Variants in KCNH7 observed in about 807,000 individuals in gnomAD.
KCNH7 encodes voltage-gated inwardly rectifying potassium channel KCNH7.
KCNH7 carries 49 observed loss-of-function variants against 120.8 expected under a neutral mutation model. The ratio of observed to expected loss-of-function variants is 0.41; its 90% CI spans 0.32 to 0.51. KCNH7 has a LOEUF of 0.51. KCNH7 is among the 20% of genes least tolerant of loss of function. The pLI is 0.38. For synonymous variants in KCNH7, 547 were observed against 516.1 expected, an observed-to-expected ratio of 1.06 and a Z score of -0.81; for missense variants, 1,097 against 1,446.6, an observed-to-expected ratio of 0.76 and a Z score of 3.92.
chr2:162,573,291 G>A (rs1051944478), intron 2 of KCNH7, among the ~76,000 whole-genome samples: 1 of 151,964 alleles, frequency 6.6e-6, no homozygotes, highest in African/African-American at 2.4e-5. Flanking sequence ...AACATCAAGG[G>A]TAAGAATAGT....
intron 9 of KCNH7, among the ~76,000 whole-genome samples, chr2:162,420,878 C>T (rs1207906303): frequency 1.3e-5 from 2 of 151,912 alleles, no homozygotes; most frequent in Non-Finnish European, 2.9e-5. Context: ...GATTAAATTA[C>T]AATTTAGTTG....
intron 3 of KCNH7, among the ~76,000 whole-genome samples, chr2:162,531,874 T>C (rs1691936862): frequency 6.6e-6 from 1 of 151,950 alleles, no homozygotes; most frequent in Non-Finnish European, 1.5e-5. Flanking sequence ...TTTGATTTGG[T>C]ATTATACTTA....
chr2:162,790,419 T>A (rs879434098), intron 2 of KCNH7, among the ~76,000 whole-genome samples: 8 of 151,820 alleles, frequency 5.3e-5, no homozygotes, highest in Admixed American at 1.3e-4. Flanking sequence ...CTGAAAAAAA[T>A]TAATACTAAT....
Position 162,371,436 on chromosome 2 carries a change from G to T in KCNH7, c.*393C>A. The stretch of plus-strand genomic sequence containing the variant: ...GTTGAGGATCATCTGAATTTGAGTT[G>T]CATCCATGAACAGTTTTATCCCTTG... On this transcript the variant is annotated 3_prime_UTR_variant, in exon 16 of 16. Coordinates refer to ENST00000332142, the MANE Select transcript of KCNH7 (RefSeq NM_033272.4). 1 of 1,288,144 alleles carries T rather than the reference G, an allele frequency of 7.8e-7. No individual in the cohort carries two copies. The highest frequency in any genetic ancestry group is 1.0e-6 in the Non-Finnish European group (1 of 988,408). The allele number at this position is 1,288,144 out of a possible 1,614,324, so 79.8% of individuals were successfully genotyped here. A position where few individuals can be genotyped will look rare whatever the true frequency, so the allele number is the denominator to read the frequency against.
chr2:162,400,790 A>G (rs567797038), intron 9 of KCNH7, among the ~76,000 whole-genome samples: 2 of 152,026 alleles, frequency 1.3e-5, no homozygotes, highest in East Asian at 3.9e-4. Flanking sequence ...AATAAGACGT[A>G]ACTAATGAAA....
At chr2:162,578,242 GA>G (rs1693753016) in intron 2 of KCNH7, among the ~76,000 whole-genome samples, 1 of 151,236 alleles carries the variant, frequency 6.6e-6, no homozygotes, top group Non-Finnish European at 1.5e-5. Context: ...TAACATTTAT[GA>G]AAAATAATTT....
intron 3 of KCNH7, among the ~76,000 whole-genome samples, chr2:162,521,853 G>A (rs1691537246): frequency 6.6e-6 from 1 of 151,656 alleles, no homozygotes; most frequent in Non-Finnish European, 1.5e-5. Context: ...CTAATTCCTT[G>A]TATCTAACTA....
intron 2 of KCNH7, among the ~76,000 whole-genome samples, chr2:162,825,063 T>G (rs887441856): frequency 6.6e-6 from 1 of 151,788 alleles, no homozygotes; most frequent in South Asian, 2.1e-4. Context: ...GTTCAAGGAG[T>G]GTTTGAACTT....
chr2:162,763,278 A>C (rs1256749554), intron 2 of KCNH7, among the ~76,000 whole-genome samples: 3 of 152,168 alleles, frequency 2.0e-5, no homozygotes, highest in Non-Finnish European at 2.9e-5. Flanking sequence ...AAACATTTTT[A>C]AAATCATTCA....
chr2:162,791,085 A>C (rs935753762), intron 2 of KCNH7, among the ~76,000 whole-genome samples: 1 of 152,052 alleles, frequency 6.6e-6, no homozygotes, highest in African/African-American at 2.4e-5. Context: ...AGACTATACC[A>C]ACAAATCTGT....
rs550242421 is a variant in KCNH7, at chr2:162,451,695, A to G, written c.1129-5252T>C. On this transcript the variant is annotated intron_variant, in intron 6 of 15. Coordinates refer to ENST00000332142, the MANE Select transcript of KCNH7 (RefSeq NM_033272.4). The stretch of plus-strand genomic sequence containing the variant: ...GGAGTGGCTGGGTCTCTCTCTATAT[A>G]TGTAGATAGATAGTTTGATCAATCA... 5.3e-5 allele frequency among the ~76,000 whole-genome samples: 8 copies of G among 152,096 alleles called. No homozygotes were observed. The South Asian group carries it at 1.7e-3, about 31-fold the overall frequency.
chr2:162,552,355 A>G lies in KCNH7; in HGVS notation c.308-15275T>C, dbSNP rs546996720. Among the ~76,000 whole-genome samples, 6 of 152,324 alleles carry G rather than the reference A, an allele frequency of 3.9e-5. No individual in the cohort carries two copies. In the East Asian group the frequency reaches 1.2e-3, roughly 29 times the overall value. The stretch of plus-strand genomic sequence containing the variant: ...AGTTTTTAGAAGGCTTTAAATATTG[A>G]GTGACAGCTCAATTGGATAGAGTTT... On this transcript the variant is annotated intron_variant, in intron 2 of 15. Coordinates refer to ENST00000332142, the MANE Select transcript of KCNH7 (RefSeq NM_033272.4).
intron 2 of KCNH7, among the ~76,000 whole-genome samples, chr2:162,826,740 C>T (rs1379592737): frequency 1.3e-5 from 2 of 152,078 alleles, no homozygotes; most frequent in African/African-American, 4.8e-5. Context: ...TTTGCTCTCC[C>T]ATTTCTTCTA....
intron 9 of KCNH7, among the ~76,000 whole-genome samples, chr2:162,422,859 G>A (rs539290088): frequency 6.6e-6 from 1 of 152,266 alleles, no homozygotes; most frequent in Admixed American, 6.5e-5. Flanking sequence ...ATCATAAAGT[G>A]CTTATGTATA....
At chr2:162,373,928 C>A (rs1313129712) in intron 14 of KCNH7, among the ~76,000 whole-genome samples, 1 of 152,082 alleles carries the variant, frequency 6.6e-6, no homozygotes, top group Non-Finnish European at 1.5e-5. Context: ...TGTTTACTAA[C>A]CTTCATTGAT....
chr2:162,761,495 A>C (rs1688964733), intron 2 of KCNH7, among the ~76,000 whole-genome samples: 1 of 152,092 alleles, frequency 6.6e-6, no homozygotes. Context: ...AATGTTCCCC[A>C]AAGTCAAAAT....
intron 7 of KCNH7, among the ~76,000 whole-genome samples, chr2:162,439,420 C>T (rs1688353121): frequency 6.6e-6 from 1 of 151,974 alleles, no homozygotes; most frequent in Non-Finnish European, 1.5e-5. Flanking sequence ...TGAAGCAAGG[C>T]ACTTTGTTTT....
intron 2 of KCNH7, among the ~76,000 whole-genome samples, chr2:162,803,846 A>G (rs559030760): frequency 1.3e-5 from 2 of 151,810 alleles, no homozygotes; most frequent in East Asian, 3.9e-4. Context: ...TTTTACTTAC[A>G]GGATCTGTGG....
chr2:162,545,150 CAG>C (rs1325937569), intron 2 of KCNH7, among the ~76,000 whole-genome samples: 13 of 152,094 alleles, frequency 8.5e-5, no homozygotes, highest in African/African-American at 3.1e-4. Flanking sequence ...GAGATGTTAA[CAG>C]ATATTACTGG....
Sources: allele counts gnomAD v4.1 joint callset (sites outside exome capture counted in the v4.1 genomes callset), GRCh38; gene constraint gnomAD v4.1.1; transcripts MANE v1.5; gene names NCBI Gene and HGNC (gene_info 2026-07-23, HGNC 2026-07-21).